Variants in PRKN observed in about 807,000 individuals in gnomAD.
PRKN encodes E3 ubiquitin-protein ligase parkin.
A neutral mutation model predicts 59.5 loss-of-function variants in PRKN; 56 were observed. That is an observed-to-expected ratio of 0.94 (90% CI 0.76 to 1.18). The LOEUF is 1.18. Among genes scored for constraint, PRKN ranks in the 50% most tolerant of loss-of-function variants. PRKN has a pLI of 0.00. For missense variants in PRKN, 657 were observed against 596.4 expected (o/e 1.10, Z -1.06); for synonymous variants, 250 against 222.1 (o/e 1.13, Z -1.12).
chr6:161,699,028 C>G (rs1786138858), intron 7 of PRKN, among the ~76,000 whole-genome samples: 1 of 151,984 alleles, frequency 6.6e-6, no homozygotes, highest in South Asian at 2.1e-4. Context: ...AGAAATCACT[C>G]TAAAAACTCA....
intron 1 of PRKN, among the ~76,000 whole-genome samples, chr6:162,509,538 T>A (rs1267469569): frequency 6.6e-6 from 1 of 152,180 alleles, no homozygotes; most frequent in Non-Finnish European, 1.5e-5. Flanking sequence ...CATGCATAAT[T>A]CATAGATTTT....
chr6:161,708,517 G>T (rs973373080), intron 7 of PRKN, among the ~76,000 whole-genome samples: 10 of 151,330 alleles, frequency 6.6e-5, no homozygotes, highest in Non-Finnish European at 1.5e-4. Flanking sequence ...TCTGTGTATG[G>T]GGGGGAGGTA....
chr6:162,324,290 G>C (rs1283110834), intron 2 of PRKN, among the ~76,000 whole-genome samples: 1 of 151,814 alleles, frequency 6.6e-6, no homozygotes, highest in Non-Finnish European at 1.5e-5. Context: ...GAAAGAGTGG[G>C]GAAGGTGCCG....
intron 4 of PRKN, among the ~76,000 whole-genome samples, chr6:162,094,274 G>C (rs1287171481): frequency 6.6e-6 from 1 of 152,106 alleles, no homozygotes; most frequent in Non-Finnish European, 1.5e-5. Flanking sequence ...AGGACTGCAT[G>C]AGCCCAGGAG....
intron 1 of PRKN, among the ~76,000 whole-genome samples, chr6:162,591,312 T>C (rs1781297711): frequency 6.6e-6 from 1 of 152,170 alleles, no homozygotes; most frequent in Non-Finnish European, 1.5e-5. Flanking sequence ...ACATGTCGTG[T>C]TCTGCTTTGC....
chr6:161,746,442 C>A (rs1276774735), intron 7 of PRKN, among the ~76,000 whole-genome samples: 1 of 151,528 alleles, frequency 6.6e-6, no homozygotes, highest in East Asian at 1.9e-4. Flanking sequence ...TATCCCCAAG[C>A]CTAATGCTCA....
At chr6:162,486,509 A>G (rs137970933) in intron 1 of PRKN, among the ~76,000 whole-genome samples, 108 of 152,338 alleles carry the variant, frequency 7.1e-4, no homozygotes, top group Non-Finnish European at 1.1e-3. Flanking sequence ...TGCATCTGTG[A>G]ATATGTACCA....
At chr6:162,566,017 T>C (rs1157627342) in intron 1 of PRKN, among the ~76,000 whole-genome samples, 1 of 152,108 alleles carries the variant, frequency 6.6e-6, no homozygotes, top group Non-Finnish European at 1.5e-5. Flanking sequence ...AGGGGTCAAT[T>C]CAGCAAGACG....
At position 162,443,416 on chromosome 6, in the gene PRKN, C is replaced by T. The variant is rs2128167759; in HGVS notation, c.65G>A (p.Ser22Asn). 1 of 1,614,060 alleles carries T rather than the reference C, an allele frequency of 6.2e-7. No homozygotes were observed. Among genetic ancestry groups the T allele is most frequent in the Non-Finnish European group, 8.5e-7 (1 of 1,179,978 alleles). ...GFPVEVDSDT[S>N]IFQLKEVVAK... ...AACCACCTCCTTGAGCTGGAAGATG[C>T]TGGTGTCAGAATCGACCTCCACTGG... The change falls in exon 2 of 12, where the codon AGC (serine) becomes AAC (asparagine). Residue 22 changes from serine to asparagine, a missense_variant. By Grantham distance (46) the Ser-to-Asn change is conservative. Transcript: ENST00000366898.
chr6:162,316,596 A>G (rs1021002724), intron 2 of PRKN, among the ~76,000 whole-genome samples: 6 of 152,114 alleles, frequency 3.9e-5, no homozygotes, highest in South Asian at 4.1e-4. Context: ...AAAGGATTCA[A>G]TACATATTCA....
chr6:162,170,667 G>A (rs531839952), intron 4 of PRKN, among the ~76,000 whole-genome samples: 17 of 152,278 alleles, frequency 1.1e-4, no homozygotes, highest in African/African-American at 3.4e-4. Context: ...CTCTACTTCC[G>A]TGGTCATTCT....
Position 162,264,497 on chromosome 6 carries a change from C to A in PRKN, c.172-1732G>T, listed in dbSNP as rs34717467. On this transcript the variant is annotated intron_variant, in intron 2 of 11. Transcript: ENST00000366898. ...TGGTGCCCAGCACTCACCAACACCC[C>A]TGACCCCAAATACAATGGCTAGAAT... Among the ~76,000 whole-genome samples, 990 of 152,092 alleles carry A rather than the reference C, an allele frequency of 6.5e-3. 9 individuals are homozygous for A. Among genetic ancestry groups the A allele is most frequent in the African/African-American group, 0.022 (931 of 41,482 alleles).
At chr6:162,399,130 T>G (rs1243617398) in intron 2 of PRKN, among the ~76,000 whole-genome samples, 1 of 152,184 alleles carries the variant, frequency 6.6e-6, no homozygotes, top group African/African-American at 2.4e-5. Flanking sequence ...CTCCCCATTT[T>G]TTTTCATCTT....
chr6:162,270,025 T>C (rs1780305802), intron 2 of PRKN: 1 of 152,194 alleles, frequency 6.6e-6, no homozygotes, highest in African/African-American at 2.4e-5. Context: ...ACTGGGTATC[T>C]ACCCAGAGGA....
intron 5 of PRKN, among the ~76,000 whole-genome samples, chr6:162,006,749 T>TCC (rs1782272026): frequency 1.3e-5 from 2 of 152,168 alleles, no homozygotes; most frequent in Non-Finnish European, 2.9e-5. Flanking sequence ...TAAAGCAGCC[T>TCC]CCCACCCTTC....
At chr6:161,736,282 C>G (rs145218286) in intron 7 of PRKN, among the ~76,000 whole-genome samples, 16 of 152,346 alleles carry the variant, frequency 1.1e-4, no homozygotes, top group African/African-American at 3.1e-4. Context: ...CCCTGTCCTG[C>G]TTGCAGCTGT....
At chr6:162,459,984 T>C (rs1791077292) in intron 1 of PRKN, among the ~76,000 whole-genome samples, 1 of 152,190 alleles carries the variant, frequency 6.6e-6, no homozygotes, top group African/African-American at 2.4e-5. Context: ...AACCTAGAGT[T>C]ATCATATGAT....
At chr6:161,808,147 G>A (rs1018027784) in intron 6 of PRKN, among the ~76,000 whole-genome samples, 4 of 152,032 alleles carry the variant, frequency 2.6e-5, no homozygotes, top group African/African-American at 9.7e-5. Context: ...AAGACAGGAA[G>A]ATTATTAATA....
chr6:162,634,714 C>T (rs572821603), intron 1 of PRKN, among the ~76,000 whole-genome samples: 1 of 152,314 alleles, frequency 6.6e-6, no homozygotes, highest in South Asian at 2.1e-4. Context: ...ACCTCCGCCT[C>T]CCAGGTTCAA....
Sources: allele counts gnomAD v4.1 joint callset (sites outside exome capture counted in the v4.1 genomes callset), GRCh38; gene constraint gnomAD v4.1.1; transcripts MANE v1.5; gene names NCBI Gene and HGNC (gene_info 2026-07-23, HGNC 2026-07-21).